The following DDX23 variants were observed in gnomAD, a reference collection of about 807,000 sequenced individuals.
The protein encoded by DDX23 is DEAD-box helicase 23, also known as probable ATP-dependent RNA helicase DDX23.
In DDX23, 33 loss-of-function variants were observed where a neutral mutation model predicts 102.7. The ratio of observed to expected loss-of-function variants is 0.32; its 90% CI spans 0.24 to 0.43. DDX23 has a LOEUF of 0.43. DDX23 is among the 20% of genes least tolerant of loss of function. DDX23 has a pLI of 1.00. For missense variants in DDX23, 549 were observed against 1,086.6 expected, an observed-to-expected ratio of 0.51 and a Z score of 6.96; for synonymous variants, 352 against 376.0, an observed-to-expected ratio of 0.94 and a Z score of 0.74.
At chr12:48,837,211 C>A in intron 8 of DDX23, 70 bp downstream of exon 8, 1 of 1,571,054 alleles carries the variant, frequency 6.4e-7, no homozygotes, top group Non-Finnish European at 8.7e-7. Flanking sequence ...CTTCCTCCAC[C>A]TCCGTAGTCA....
At chr12:48,838,237 T>C (rs780148454) in intron 5 of DDX23, among the ~76,000 whole-genome samples, 157 bp from the exon 6 acceptor site, 1 of 152,202 alleles carries the variant, frequency 6.6e-6, no homozygotes, top group African/African-American at 2.4e-5. Context: ...TGGACTGAAC[T>C]ATGTCCCCTA....
intron 1 of DDX23, 88 bp from the exon 2 acceptor site, chr12:48,845,870 A>C: frequency 2.3e-6 from 3 of 1,324,976 alleles, no homozygotes; most frequent in Non-Finnish European, 2.1e-6. Flanking sequence ...AAACAACCCT[A>C]TGAGGTGGAT....
At chr12:48,848,305 A>AC (rs1238114946) in intron 1 of DDX23, among the ~76,000 whole-genome samples, 10 of 151,426 alleles carry the variant, frequency 6.6e-5, no homozygotes, top group African/African-American at 2.2e-4. Context: ...ACAAAACAAA[A>AC]AACAAAAAAA....
chr12:48,834,107 C>T (rs1938430332), intron 12 of DDX23, among the ~76,000 whole-genome samples: 1 of 152,198 alleles, frequency 6.6e-6, no homozygotes, highest in Non-Finnish European at 1.5e-5. Context: ...GGAAATACCA[C>T]TCTCATACAT....
rs1938464197 is a variant in DDX23 at position 48,836,023 on chromosome 12, T to G, written c.1382+98A>C. ...CCAACAAAGAATAAAGAAGAAAGCT[T>G]CTGATTATAGACGTAAAACAAAAAT... On this transcript the variant is annotated intron_variant, in intron 11 of 16. Transcript: ENST00000308025. This position sits in a 1 kb window ranked among gnomAD's most constrained non-coding sequence, Gnocchi z 6.1. 7.5e-7 allele frequency: 1 copy of G among 1,328,624 alleles called. No homozygotes were observed. Among genetic ancestry groups the G allele is most frequent in the Admixed American group, 1.9e-5 (1 of 53,564 alleles). The allele number at this position is 1,328,624 out of a possible 1,614,324, so 82.3% of individuals were successfully genotyped here.
Position 48,837,485 on chromosome 12 carries a change from T to G in DDX23, c.753+39A>C, listed in dbSNP as rs754165133. The G allele has an allele frequency of 2.5e-6, 4 of 1,613,456 alleles. No homozygotes were observed. The South Asian group carries it at 4.4e-5, about 18-fold the overall frequency. The stretch of plus-strand genomic sequence containing the variant: ...TGGCCAAATAACTAAACCTCATTTT[T>G]GTGTGGGAGAGAAGTGAAGATGGAG... On this transcript the variant is annotated intron_variant, in intron 7 of 16. Transcript: ENST00000308025.
chr12:48,845,688 C>T lies in DDX23; in HGVS notation c.95G>A (p.Arg32Lys), dbSNP rs1359659868. Reference protein sequence around the residue: ...RSRTPDRERDRDRDRKSSPSK... With the variant: ...RSRTPDRERDKDRDRKSSPSK... The stretch of plus-strand genomic sequence containing the variant: ...TGGGGAAGACTTCCGGTCCCGGTCT[C>T]TATCCCGCTCTCTGTCAGGAGTCCG... Residue 32 changes from arginine (R) to lysine (K), a missense_variant, in exon 2 of 17, where the codon AGA becomes AAA. Physicochemically the swap from Arg to Lys is conservative, Grantham distance 26. Transcript: ENST00000308025. 6.2e-7 allele frequency: 1 copy of T among 1,614,252 alleles called. No individual in the cohort carries two copies. The highest frequency in any genetic ancestry group is 1.3e-5 in the African/African-American group (1 of 75,072).
chr12:48,845,682 C>T lies in DDX23; in HGVS notation c.101G>A (p.Arg34Gln), dbSNP rs1938655428. 9.3e-6 allele frequency: 15 copies of T among 1,614,134 alleles called. No individual in the cohort carries two copies. The highest frequency in any genetic ancestry group is 2.2e-5 in the East Asian group (1 of 44,898). Residue 34 changes from arginine (R) to glutamine (Q), a missense_variant, in exon 2 of 17, where the codon CGG becomes CAG. This residue lies in a region of DDX23 where 241 missense variants were observed against 267.0 expected (regional missense o/e 0.90). Coordinates refer to ENST00000308025, the MANE Select transcript of DDX23 (RefSeq NM_004818.3). ...TTTAGATGGGGAAGACTTCCGGTCC[C>T]GGTCTCTATCCCGCTCTCTGTCAGG... ...RTPDRERDRD[R>Q]DRKSSPSKDR...
rs1456284794 is a variant in DDX23 at position 48,845,698 on chromosome 12, C to G, written c.85G>C (p.Glu29Gln). 6.2e-7 allele frequency: 1 copy of G among 1,614,132 alleles called. No individual in the cohort carries two copies. Among genetic ancestry groups the G allele is most frequent in the African/African-American group, 1.3e-5 (1 of 74,940 alleles). ...TTCCGGTCCCGGTCTCTATCCCGCT[C>G]TCTGTCAGGAGTCCGTGATCGCTTC... ...ERKRSRTPDR[E>Q]RDRDRDRKSS... The change falls in exon 2 of 17, where the codon GAG (glutamate) becomes CAG (glutamine). Residue 29 changes from glutamate (E) to glutamine (Q), a missense_variant. Around this residue, in one of 4 missense-constraint regions of DDX23, gnomAD observed 241 missense variants for 267.0 expected, o/e 0.90. Transcript: ENST00000308025.
chr12:48,830,755 C>A lies in DDX23; in HGVS notation c.2240-63G>T, dbSNP rs1202516562. On this transcript the variant is annotated intron_variant, in intron 16 of 16. Coordinates refer to ENST00000308025, the MANE Select transcript of DDX23 (RefSeq NM_004818.3). This position sits in a 1 kb window ranked among gnomAD's most constrained non-coding sequence, Gnocchi z 4.9. ...ATGCCCTGGGGAGCCGTGTCTGATG[C>A]CTCCACTTCTAGAGGCATCCTTCCC... 9 of 1,485,862 alleles carry A rather than the reference C, an allele frequency of 6.1e-6. No individual in the cohort carries two copies. The African/African-American group carries it at 9.8e-5, about 16-fold the overall frequency. The allele number at this position is 1,485,862 out of a possible 1,614,324, so 92.0% of individuals were successfully genotyped here.
intron 1 of DDX23, among the ~76,000 whole-genome samples, chr12:48,850,746 G>T: frequency 6.6e-6 from 1 of 151,198 alleles, no homozygotes; most frequent in South Asian, 2.1e-4. Context: ...GGAGGGAGGG[G>T]TCAACTGTGT....
intron 11 of DDX23, among the ~76,000 whole-genome samples, chr12:48,835,424 T>C (rs1248621073): frequency 7.9e-5 from 12 of 151,544 alleles, no homozygotes; most frequent in Admixed American, 7.9e-4. Context: ...AATGTAAAAA[T>C]TAAGGACAGG....
Position 48,832,137 on chromosome 12 carries a change from T to G in DDX23, c.2005A>C (p.Ile669Leu). ...CAGCCCTTCTTCTGGTTGACAAAAA[T>G]AATGATGGGTGGGTCAAAGCCTTGC... ...LEQGFDPPII[I>L]FVNQKKGCDV... The change falls in exon 15 of 17, where the codon ATT becomes CTT. Residue 669 changes from isoleucine to leucine, a missense_variant. Coordinates refer to ENST00000308025, the MANE Select transcript of DDX23 (RefSeq NM_004818.3). This position sits in a 1 kb window ranked among gnomAD's most constrained non-coding sequence, Gnocchi z 4.4. 2 of 1,613,760 alleles carry G rather than the reference T, an allele frequency of 1.2e-6. No individual in the cohort carries two copies.
At chr12:48,833,132 C>G (rs1938416406) in intron 13 of DDX23, 145 bp downstream of exon 13, 1 of 1,225,784 alleles carries the variant, frequency 8.2e-7, no homozygotes, top group South Asian at 1.5e-5. Context: ...CACAGGTGTG[C>G]ACCACCAATG....
In DDX23 at chr12:48,839,804, G is replaced by T. The variant is rs772539800; in HGVS notation, c.480+40C>A. On this transcript the variant is annotated intron_variant, in intron 5 of 16. Coordinates refer to ENST00000308025, the MANE Select transcript of DDX23 (RefSeq NM_004818.3). ...CACCCAGTCTGTGGTATTGTGTTAT[G>T]GCAGCCTGAGCCGATGAATGAAGAC... The T allele has an allele frequency of 3.7e-6, 6 of 1,604,092 alleles. No homozygotes were observed. In the South Asian group the frequency reaches 5.5e-5, roughly 15 times the overall value.
At chr12:48,839,937 T>C in intron 4 of DDX23, 28 bp from the exon 5 acceptor site, 3 of 1,613,992 alleles carry the variant, frequency 1.9e-6, no homozygotes, top group African/African-American at 1.3e-5. Context: ...CTTTAGTCTA[T>C]AAAGGCTCTC....
chr12:48,837,402 G>C lies in DDX23; in HGVS notation c.754-9C>G. On this transcript the variant is annotated splice_polypyrimidine_tract_variant and intron_variant, in intron 7 of 16. Transcript: ENST00000308025. ...CCACCCAGGTAACGCTCCTACCCAGGGACAGAACACAAAGCACATGAGCTT... is the reference window on the plus strand; with the variant it reads ...CCACCCAGGTAACGCTCCTACCCAGCGACAGAACACAAAGCACATGAGCTT... 1 of 1,613,948 alleles carries C rather than the reference G, an allele frequency of 6.2e-7. No individual in the cohort carries two copies.
rs551090563 is a variant in DDX23, at chr12:48,847,740, C to T, written c.1-1958G>A. On this transcript the variant is annotated intron_variant, in intron 1 of 16. Transcript: ENST00000308025. ...CTGAGGTGGAAGGACTGCTTGAGCC[C>T]GGGAGGCAGAGGCTGCAGTAAGCCG... Among the ~76,000 whole-genome samples, 25 of 152,178 alleles carry T rather than the reference C, an allele frequency of 1.6e-4. No homozygotes were observed. The South Asian group carries it at 5.0e-3, about 30-fold the overall frequency.
chr12:48,847,099 AG>A (rs1938680979), intron 1 of DDX23, among the ~76,000 whole-genome samples: 1 of 152,268 alleles, frequency 6.6e-6, no homozygotes, highest in Non-Finnish European at 1.5e-5. Flanking sequence ...GATTGTATAA[AG>A]ATGAGAAAAG....
Sources: gnomAD v4.1 joint callset for allele counts (sites outside exome capture counted in the v4.1 genomes callset) on GRCh38, gnomAD v4.1.1 for gene constraint, gnomAD v4.1.1 regional missense constraint, Gnocchi (gnomAD v3.1) non-coding constraint, MANE v1.5 for transcripts, NCBI Gene and HGNC (gene_info 2026-07-23, HGNC 2026-07-21) for gene names.